Variants in MSRA observed in about 807,000 individuals in gnomAD.
MSRA encodes methionine sulfoxide reductase A.
MSRA carries 54 observed loss-of-function variants against 31.3 expected under a neutral mutation model. The ratio of observed to expected loss-of-function variants is 1.73; its 90% CI spans 1.39 to 2.17. The LOEUF (loss-of-function observed/expected upper bound fraction) is 2.17, where lower values mean the gene tolerates loss of function less well. Ranked by LOEUF, MSRA falls within the 30% of genes most tolerant of loss-of-function variation. MSRA has a pLI of 0.00. For missense variants in MSRA, 507 were observed against 300.9 expected, an observed-to-expected ratio of 1.69 and a Z score of -5.07; for synonymous variants, 169 against 116.5, an observed-to-expected ratio of 1.45 and a Z score of -2.90.
chr8:10,295,995 A>G (rs935133530), intron 3 of MSRA, among the ~76,000 whole-genome samples: 4 of 152,228 alleles, frequency 2.6e-5, no homozygotes, highest in Admixed American at 2.6e-4. Context: ...ATAAGAAACT[A>G]GAAAAGAAAA....
intron 2 of MSRA, among the ~76,000 whole-genome samples, chr8:10,220,912 C>T (rs1288579208): frequency 6.6e-6 from 1 of 152,160 alleles, no homozygotes; most frequent in Non-Finnish European, 1.5e-5. Flanking sequence ...AATGTGATGA[C>T]ACTAGGAGCA....
chr8:10,342,127 C>T (rs1803466179), intron 5 of MSRA, among the ~76,000 whole-genome samples: 2 of 152,176 alleles, frequency 1.3e-5, no homozygotes, highest in African/African-American at 2.4e-5. Context: ...AAAAGCAACA[C>T]TTTTCATTCT....
intron 2 of MSRA, among the ~76,000 whole-genome samples, chr8:10,220,917 G>A (rs1435680751): frequency 1.3e-5 from 2 of 152,238 alleles, no homozygotes; most frequent in Non-Finnish European, 2.9e-5. Context: ...GATGACACTA[G>A]GAGCAGGAAG....
At chr8:10,202,293 G>A (rs1382854328) in intron 1 of MSRA, among the ~76,000 whole-genome samples, 4 of 152,310 alleles carry the variant, frequency 2.6e-5, no homozygotes, top group African/African-American at 9.6e-5. Flanking sequence ...TTGGTTTCTA[G>A]GAATAGAGCT....
intron 1 of MSRA, among the ~76,000 whole-genome samples, chr8:10,118,322 G>T (rs1312841484): frequency 6.6e-6 from 1 of 152,138 alleles, no homozygotes; most frequent in Non-Finnish European, 1.5e-5. Flanking sequence ...TGCGTGCAGT[G>T]AACCATGGGA....
At position 10,202,950 on chromosome 8, in the gene MSRA, T is replaced by C. The variant is rs551047316; in HGVS notation, c.143-4883T>C. Among the ~76,000 whole-genome samples, 7 of 152,172 alleles carry C rather than the reference T, an allele frequency of 4.6e-5. No individual in the cohort carries two copies. In the East Asian group the frequency reaches 1.4e-3, roughly 30 times the overall value. ...GCTGAGAGTCACAGTCAGGCCGTCT[T>C]GTCCTGGATCGCCTGTTCTTAGCCA... is the stretch of plus-strand genomic sequence containing the variant. On this transcript the variant is annotated intron_variant, in intron 1 of 5. Coordinates refer to ENST00000317173, the MANE Select transcript of MSRA (RefSeq NM_012331.5).
chr8:10,145,881 AT>A (rs1803100661), intron 1 of MSRA, among the ~76,000 whole-genome samples: 1 of 152,180 alleles, frequency 6.6e-6, no homozygotes, highest in Non-Finnish European at 1.5e-5. Context: ...CTTATTCAAT[AT>A]CATTGTTTCA....
chr8:10,214,815 G>A (rs531756281), intron 2 of MSRA, among the ~76,000 whole-genome samples: 4 of 152,186 alleles, frequency 2.6e-5, no homozygotes, highest in Admixed American at 2.6e-4. Flanking sequence ...TGGAGACATA[G>A]TTTAAGATGC....
At chr8:10,388,264 A>C (rs1806515677) in intron 5 of MSRA, among the ~76,000 whole-genome samples, 3 of 152,166 alleles carry the variant, frequency 2.0e-5, no homozygotes, top group African/African-American at 7.2e-5. Flanking sequence ...AAGCAAGTGT[A>C]AGGTTCGTGT....
chr8:10,339,245 C>A (rs750190718), intron 5 of MSRA, among the ~76,000 whole-genome samples: 1 of 152,178 alleles, frequency 6.6e-6, no homozygotes, highest in African/African-American at 2.4e-5. Context: ...AAAACTCTTA[C>A]GTTACCATCT....
intron 1 of MSRA, among the ~76,000 whole-genome samples, chr8:10,154,551 G>T (rs927817874): frequency 3.3e-5 from 5 of 151,896 alleles, no homozygotes; most frequent in African/African-American, 9.7e-5. Context: ...CTAATTTTTT[G>T]TATTTTTAGT....
chr8:10,277,601 A>G (rs1799392395), intron 3 of MSRA, among the ~76,000 whole-genome samples: 1 of 152,188 alleles, frequency 6.6e-6, no homozygotes, highest in Non-Finnish European at 1.5e-5. Flanking sequence ...AAGTGGCAAA[A>G]TGTACTGATA....
chr8:10,173,727 CCTT>C (rs1356000419), intron 1 of MSRA, among the ~76,000 whole-genome samples: 1 of 152,210 alleles, frequency 6.6e-6, no homozygotes, highest in African/African-American at 2.4e-5. Flanking sequence ...ATCTGCAGCC[CCTT>C]CTTTGTCACT....
At chr8:10,102,733 C>G (rs1287285675) in intron 1 of MSRA, among the ~76,000 whole-genome samples, 1 of 152,306 alleles carries the variant, frequency 6.6e-6, no homozygotes, top group Non-Finnish European at 1.5e-5. Flanking sequence ...TGTTAACAAA[C>G]CTTCTCTGAC....
intron 1 of MSRA, among the ~76,000 whole-genome samples, chr8:10,185,802 G>T (rs1258043542): frequency 3.3e-5 from 5 of 152,164 alleles, no homozygotes; most frequent in Non-Finnish European, 5.9e-5. Flanking sequence ...CATCTTGCAA[G>T]GCTCAACTCT....
Position 10,103,381 on chromosome 8 carries a change from C to G in MSRA, c.142+48723C>G, listed in dbSNP as rs1448265956. On this transcript the variant is annotated intron_variant, in intron 1 of 5. Transcript: ENST00000317173. ...TTTGGAATAATATATTGTCAGGGTTCTTACGGGTCATCTGTGCTGTAGCAT... is the reference window on the plus strand; with the variant it reads ...TTTGGAATAATATATTGTCAGGGTTGTTACGGGTCATCTGTGCTGTAGCAT... 7.9e-5 allele frequency among the ~76,000 whole-genome samples: 12 copies of G among 152,314 alleles called. No individual in the cohort carries two copies. The South Asian group carries it at 2.3e-3, about 29-fold the overall frequency.
chr8:10,128,052 G>A (rs963569434), intron 1 of MSRA, among the ~76,000 whole-genome samples: 2 of 152,042 alleles, frequency 1.3e-5, no homozygotes, highest in Admixed American at 6.5e-5. Context: ...CATTCTCTGT[G>A]TCTCCTTCTA....
At chr8:10,216,233 A>G (rs1229299795) in intron 2 of MSRA, among the ~76,000 whole-genome samples, 1 of 152,234 alleles carries the variant, frequency 6.6e-6, no homozygotes, top group Non-Finnish European at 1.5e-5. Flanking sequence ...AACATGCATT[A>G]GAATTAGGTA....
intron 3 of MSRA, among the ~76,000 whole-genome samples, chr8:10,255,195 A>G (rs550264369): frequency 3.6e-4 from 55 of 152,202 alleles, no homozygotes; most frequent in Non-Finnish European, 6.8e-4. Context: ...ACACGCAGTA[A>G]AATGAGAAGG....
Sources: gnomAD v4.1 joint callset for allele counts (sites outside exome capture counted in the v4.1 genomes callset) on GRCh38, gnomAD v4.1.1 for gene constraint, MANE v1.5 for transcripts, NCBI Gene and HGNC (gene_info 2026-07-23, HGNC 2026-07-21) for gene names.